Variants in TRIM42 observed in about 807,000 individuals in gnomAD.
TRIM42 encodes tripartite motif-containing protein 42.
Under a neutral mutation model 64.9 loss-of-function variants are expected in TRIM42, and 59 were observed. The ratio of observed to expected loss-of-function variants is 0.91; its 90% CI spans 0.74 to 1.13. The LOEUF is 1.13. Among genes scored for constraint, TRIM42 ranks in the 50% most tolerant of loss-of-function variants. TRIM42 has a pLI of 0.00. For synonymous variants in TRIM42, 354 were observed against 346.3 expected (o/e 1.02, Z -0.25); for missense variants, 878 against 929.5 (o/e 0.94, Z 0.72).
intron 4 of TRIM42, among the ~76,000 whole-genome samples, chr3:140,698,422 G>T (rs771048663): frequency 3.9e-5 from 6 of 152,126 alleles, no homozygotes; most frequent in African/African-American, 4.8e-5. Context: ...ATCATTTAGA[G>T]ATCTAACGTA....
Position 140,688,490 on chromosome 3 carries a change from C to T in TRIM42, c.1808C>T (p.Thr603Ile), listed in dbSNP as rs200909623. 3 of 1,614,032 alleles carry T rather than the reference C, an allele frequency of 1.9e-6. No homozygotes were observed. In the South Asian group the frequency reaches 3.3e-5, roughly 18 times the overall value. The change falls in exon 3 of 5, where the codon ACC becomes ATC. Residue 603 changes from threonine to isoleucine, a missense_variant. Physicochemically the swap from Thr to Ile is moderately conservative, Grantham distance 89. Transcript: ENST00000286349. ...WYSFNDGSVK[T>I]PGPIVIYQTL... Reference sequence around the variant, plus strand: ...TCATTCAACGATGGCTCTGTGAAGACCCCAGGCCCAATTGTTATCTACCAG... The same window carrying T: ...TCATTCAACGATGGCTCTGTGAAGATCCCAGGCCCAATTGTTATCTACCAG...
chr3:140,697,963 A>G (rs1331038853), intron 4 of TRIM42, among the ~76,000 whole-genome samples: 2 of 152,202 alleles, frequency 1.3e-5, no homozygotes, highest in Non-Finnish European at 2.9e-5. Flanking sequence ...GATTACAGGC[A>G]TGAGCCACCG....
rs761905940 is a variant in TRIM42, at chr3:140,678,580, A to T, written c.341+10A>T. The stretch of plus-strand genomic sequence containing the variant: ...GGAGCATCCATACCTCGTAAGTGCC[A>T]GGCACCAGATGTGGGGCCGCATTGG... On this transcript the variant is annotated intron_variant, in intron 1 of 4. Transcript: ENST00000286349. 1.2e-6 allele frequency: 2 copies of T among 1,606,514 alleles called. No homozygotes were observed. Among genetic ancestry groups the T allele is most frequent in the Non-Finnish European group, 1.7e-6 (2 of 1,175,220 alleles).
intron 4 of TRIM42, 28 bp downstream of exon 4, chr3:140,691,220 A>AT (rs769741663): frequency 3.7e-4 from 590 of 1,591,068 alleles, no homozygotes; most frequent in Non-Finnish European, 4.4e-4. Flanking sequence ...TCTCAGACAG[A>AT]TTTTTTTTTC....
intron 1 of TRIM42, among the ~76,000 whole-genome samples, chr3:140,680,407 C>T (rs991167166): frequency 1.3e-5 from 2 of 152,078 alleles, no homozygotes; most frequent in African/African-American, 2.4e-5. Context: ...TCACCCCTAA[C>T]ACAGCTCCCT....
Position 140,691,111 on chromosome 3 carries a change from C to T in TRIM42, c.2004C>T (p.Asn668=). The T allele has an allele frequency of 4.3e-6, 7 of 1,614,120 alleles. No individual in the cohort carries two copies. Among genetic ancestry groups the T allele is most frequent in the Non-Finnish European group, 5.9e-6 (7 of 1,180,002 alleles). Residue 668 remains asparagine, a synonymous_variant, in exon 4 of 5, where the codon AAC becomes AAT. Transcript: ENST00000286349. Reference sequence around the variant, plus strand: ...TGCAGCAAAATCTGGAGCTGCACAACCTGACCCCCAACACAGAATACGTGT... The same window carrying T: ...TGCAGCAAAATCTGGAGCTGCACAATCTGACCCCCAACACAGAATACGTGT... ...DIMQQNLELH[N]LTPNTEYVFK... is the part of the protein sequence containing the mutation.
chr3:140,699,017 G>C (rs1988927494), intron 4 of TRIM42, among the ~76,000 whole-genome samples: 1 of 112,788 alleles, frequency 8.9e-6, no homozygotes, highest in Non-Finnish European at 2.1e-5. Flanking sequence ...TCCTTATTAA[G>C]TTAAGGAAAA....
At position 140,678,295 on chromosome 3, in the gene TRIM42, C is replaced by T. The variant is rs1211804840; in HGVS notation, c.66C>T (p.Cys22=). ...CTWQRCCPQL[C]SCLCCKFIFT... ...GGCAGAGATGTTGTCCTCAGTTATG[C>T]TCCTGTCTGTGCTGCAAGTTCATCT... The change falls in exon 1 of 5, where the codon TGC becomes TGT. Residue 22 remains cysteine (C), a synonymous_variant. Coordinates refer to ENST00000286349, the MANE Select transcript of TRIM42 (RefSeq NM_152616.5). The T allele has an allele frequency of 6.2e-7, 1 of 1,614,090 alleles. No individual in the cohort carries two copies. The highest frequency in any genetic ancestry group is 8.5e-7 in the Non-Finnish European group (1 of 1,180,052).
At chr3:140,691,636 C>G (rs2107763973) in intron 4 of TRIM42, among the ~76,000 whole-genome samples, 1 of 151,918 alleles carries the variant, frequency 6.6e-6, no homozygotes, top group East Asian at 1.9e-4. Flanking sequence ...TTCTGGCACA[C>G]AATAATTTTT....
At chr3:140,700,018 C>T (rs1350491098) in intron 4 of TRIM42, among the ~76,000 whole-genome samples, 3 of 152,180 alleles carry the variant, frequency 2.0e-5, no homozygotes, top group African/African-American at 4.8e-5. Flanking sequence ...CCCATTCTAT[C>T]TCAAGTCCTC....
At chr3:140,700,099 ATATT>A (rs1049124055) in intron 4 of TRIM42, among the ~76,000 whole-genome samples, 32 of 152,162 alleles carry the variant, frequency 2.1e-4, no homozygotes, top group African/African-American at 7.5e-4. Context: ...CACTCCATAA[ATATT>A]TATTTGGGGG....
intron 1 of TRIM42, among the ~76,000 whole-genome samples, chr3:140,680,513 G>A (rs1341214264): frequency 2.0e-5 from 3 of 152,034 alleles, no homozygotes; most frequent in Non-Finnish European, 4.4e-5. Flanking sequence ...GAAAATGCTA[G>A]TTCATGAGCT....
intron 1 of TRIM42, among the ~76,000 whole-genome samples, chr3:140,680,475 C>T (rs1464301077): frequency 2.6e-5 from 4 of 152,104 alleles, no homozygotes; most frequent in Admixed American, 2.6e-4. Flanking sequence ...CCAACACCTC[C>T]CTCCCCCACT....
At position 140,678,243 on chromosome 3, in the gene TRIM42, T is replaced by C. The variant is rs1988255573; in HGVS notation, c.14T>C (p.Met5Thr). 1.9e-6 allele frequency: 3 copies of C among 1,613,808 alleles called. No homozygotes were observed. The highest frequency in any genetic ancestry group is 1.7e-5 in the Admixed American group (1 of 60,010). ...CATGTAGGCACCATGGAAACTGCTA[T>C]GTGCGTTTGCTGTCCATGTTGTACA... META[M>T]CVCCPCCTWQ... Residue 5 changes from methionine to threonine, a missense_variant, in exon 1 of 5, where the codon ATG becomes ACG. Coordinates refer to ENST00000286349, the MANE Select transcript of TRIM42 (RefSeq NM_152616.5).
chr3:140,680,114 C>A (rs1372027292), intron 1 of TRIM42, among the ~76,000 whole-genome samples: 12 of 152,078 alleles, frequency 7.9e-5, no homozygotes. Context: ...GATATCTCAG[C>A]AAGAAGATAA....
chr3:140,686,160 A>G (rs971023349), intron 2 of TRIM42, among the ~76,000 whole-genome samples: 13 of 152,184 alleles, frequency 8.5e-5, no homozygotes, highest in African/African-American at 2.9e-4. Context: ...TCAATCCCTA[A>G]TACAGCAAGA....
intron 4 of TRIM42, among the ~76,000 whole-genome samples, chr3:140,693,009 G>A (rs1485601433): frequency 6.6e-6 from 1 of 152,142 alleles, no homozygotes; most frequent in African/African-American, 2.4e-5. Context: ...TGGACTCCTT[G>A]AGAATAAAAT....
intron 1 of TRIM42, among the ~76,000 whole-genome samples, chr3:140,679,939 A>G (rs1236966216): frequency 6.9e-6 from 1 of 145,240 alleles, no homozygotes; most frequent in Non-Finnish European, 1.5e-5. Flanking sequence ...AATTAATTAG[A>G]ATCAACCCCC....
chr3:140,700,870 C>T lies in TRIM42; in HGVS notation c.2086-18C>T, dbSNP rs763203115. 7.4e-6 allele frequency: 12 copies of T among 1,613,244 alleles called. No individual in the cohort carries two copies. The highest frequency in any genetic ancestry group is 3.3e-5 in the South Asian group (3 of 91,042). On this transcript the variant is annotated intron_variant, in intron 4 of 4. Coordinates refer to ENST00000286349, the MANE Select transcript of TRIM42 (RefSeq NM_152616.5). The stretch of plus-strand genomic sequence containing the variant: ...CTGTTGTCTATTGGGTGTCATGACT[C>T]TTCGCTTCTGATTGCAGGTGGTAAC...
Sources: allele counts gnomAD v4.1 joint callset (sites outside exome capture counted in the v4.1 genomes callset), GRCh38; gene constraint gnomAD v4.1.1; transcripts MANE v1.5; gene names NCBI Gene and HGNC (gene_info 2026-07-23, HGNC 2026-07-21).